The following ADAMTSL1 variants were observed in gnomAD, a reference collection of about 807,000 sequenced individuals.
ADAMTSL1 encodes the protein ADAMTS like 1.
A neutral mutation model predicts 201.8 loss-of-function variants in ADAMTSL1; 126 were observed. The observed-to-expected ratio is 0.62, with a 90% CI of 0.54 to 0.72. The LOEUF (loss-of-function observed/expected upper bound fraction) is 0.72, where lower values mean the gene tolerates loss of function less well. ADAMTSL1 is among the 30% of genes least tolerant of loss of function. ADAMTSL1 has a pLI of 0.00. For synonymous variants in ADAMTSL1, 1,121 were observed against 903.4 expected (o/e 1.24, Z -4.32); for missense variants, 2,679 against 2,277.8 (o/e 1.18, Z -3.59).
intron 2 of ADAMTSL1, among the ~76,000 whole-genome samples, chr9:18,331,100 A>T (rs1374850353): frequency 6.6e-6 from 1 of 152,208 alleles, no homozygotes; most frequent in Non-Finnish European, 1.5e-5. Flanking sequence ...TGGATCCAGG[A>T]TAAAGTAAAC....
intron 1 of ADAMTSL1, among the ~76,000 whole-genome samples, chr9:18,083,978 C>T (rs749314412): frequency 2.0e-5 from 3 of 152,164 alleles, no homozygotes; most frequent in Non-Finnish European, 4.4e-5. Context: ...TGAAATAAAG[C>T]ATCCTGAAAA....
At position 18,074,043 on chromosome 9, in the gene ADAMTSL1, C is replaced by T. The variant is rs576505125; in HGVS notation, c.88-89819C>T. ...GAAGTAGGCTTGTTTATTCAGTGAA[C>T]GGTCTAATTTTGGGTTCATTTCTCA... On this transcript the variant is annotated intron_variant, in intron 1 of 29. Coordinates refer to the ADAMTSL1 transcript ENST00000680146. Among the ~76,000 whole-genome samples, 18 of 152,012 alleles carry T rather than the reference C, an allele frequency of 1.2e-4. 1 individual carries two copies. In the South Asian group the frequency reaches 2.7e-3, roughly 23 times the overall value.
rs189443605 is a variant in ADAMTSL1, at chr9:18,005,115, A to T, written c.87+98193A>T. ...AGCTTACGCTATAATGAGGGCGAAG[A>T]TTCAAGAGCACATAACTGAGTTTAT... is the stretch of plus-strand genomic sequence containing the variant. On this transcript the variant is annotated intron_variant, in intron 1 of 29. Coordinates refer to the ADAMTSL1 transcript ENST00000680146. 9.9e-5 allele frequency among the ~76,000 whole-genome samples: 15 copies of T among 152,234 alleles called. No homozygotes were observed. The East Asian group carries it at 2.3e-3, about 24-fold the overall frequency.
At chr9:18,712,139 G>A (rs866590818) in intron 14 of ADAMTSL1, among the ~76,000 whole-genome samples, 2,059 of 152,140 alleles carry the variant, frequency 0.014, 13 homozygotes, top group South Asian at 0.024. Context: ...AAACCACAAA[G>A]ATGGGGAAAA....
intron 1 of ADAMTSL1, among the ~76,000 whole-genome samples, chr9:18,023,405 A>T (rs1164808897): frequency 6.6e-6 from 1 of 152,112 alleles, no homozygotes; most frequent in African/African-American, 2.4e-5. Flanking sequence ...TTTATTTGTT[A>T]ATGTTTTTTA....
intron 1 of ADAMTSL1, among the ~76,000 whole-genome samples, chr9:17,958,072 C>T (rs1827998423): frequency 6.6e-6 from 1 of 152,188 alleles, no homozygotes. Context: ...CTTTTCTCCA[C>T]ATGCTTTTCC....
chr9:18,601,700 A>G (rs906980693), intron 4 of ADAMTSL1, among the ~76,000 whole-genome samples: 5 of 152,106 alleles, frequency 3.3e-5, no homozygotes, highest in African/African-American at 1.2e-4. Context: ...TATGTGTAGC[A>G]TATATCATAC....
chr9:18,713,356 T>C (rs1832726407), intron 14 of ADAMTSL1, among the ~76,000 whole-genome samples: 1 of 152,022 alleles, frequency 6.6e-6, no homozygotes, highest in Admixed American at 6.6e-5. Flanking sequence ...AGGAAACCCA[T>C]CTCACGTGCA....
intron 25 of ADAMTSL1, among the ~76,000 whole-genome samples, chr9:18,892,146 C>T (rs1266529021): frequency 6.6e-6 from 1 of 152,238 alleles, no homozygotes; most frequent in African/African-American, 2.4e-5. Flanking sequence ...AATCTTATCT[C>T]AAGTCCATAA....
intron 26 of ADAMTSL1, among the ~76,000 whole-genome samples, chr9:18,895,020 T>C (rs1588332554): frequency 6.6e-6 from 1 of 152,198 alleles, no homozygotes; most frequent in Admixed American, 6.5e-5. Context: ...AAATTAAGCA[T>C]TGGCCTTATT....
At chr9:18,683,044 C>T (rs1043273849) in intron 12 of ADAMTSL1, among the ~76,000 whole-genome samples, 4 of 152,118 alleles carry the variant, frequency 2.6e-5, no homozygotes. Flanking sequence ...ACTTTTAACT[C>T]CTGACTATCG....
At chr9:18,354,287 A>G (rs1427178768) in intron 2 of ADAMTSL1, among the ~76,000 whole-genome samples, 2 of 152,016 alleles carry the variant, frequency 1.3e-5, no homozygotes, top group Admixed American at 6.6e-5. Context: ...AGGTTTTGAT[A>G]ATATAAATAA....
At chr9:18,106,259 T>C (rs1365459563) in intron 1 of ADAMTSL1, among the ~76,000 whole-genome samples, 1 of 152,216 alleles carries the variant, frequency 6.6e-6, no homozygotes, top group Non-Finnish European at 1.5e-5. Context: ...GAGCCTCATA[T>C]GAAAAGACAT....
chr9:18,682,031 G>A (rs1474108058), intron 12 of ADAMTSL1, 72 bp downstream of exon 12: 3 of 1,491,626 alleles, frequency 2.0e-6, no homozygotes, highest in Admixed American at 3.8e-5. Flanking sequence ...AAACTCCTTG[G>A]AATATTTTTA....
At position 18,847,736 on chromosome 9, in the gene ADAMTSL1, G is replaced by T. The variant is rs1170424567; in HGVS notation, c.4249+17759G>T. Among the ~76,000 whole-genome samples, 2 of 152,216 alleles carry T rather than the reference G, an allele frequency of 1.3e-5. 1 individual carries two copies. The highest frequency in any genetic ancestry group is 4.1e-4 in the South Asian group (2 of 4,832). ...CCTGCATGAAACGTGCATGCCTAGT[G>T]TGTTCCAGGAACAACAAAAAGGCCA... On this transcript the variant is annotated intron_variant, in intron 23 of 28. Coordinates refer to ENST00000380548, the MANE Select transcript of ADAMTSL1 (RefSeq NM_001040272.6).
chr9:18,783,932 A>G (rs1029059483), intron 19 of ADAMTSL1, among the ~76,000 whole-genome samples: 8 of 152,176 alleles, frequency 5.3e-5, no homozygotes, highest in African/African-American at 1.2e-4. Context: ...AAACCTGTCC[A>G]TGCTGCTTTC....
intron 2 of ADAMTSL1, among the ~76,000 whole-genome samples, chr9:18,418,285 T>C (rs1247433675): frequency 2.0e-5 from 3 of 152,110 alleles, no homozygotes; most frequent in Non-Finnish European, 4.4e-5. Context: ...AGACTGAACG[T>C]TTCCCCCCCG....
intron 5 of ADAMTSL1, among the ~76,000 whole-genome samples, chr9:18,628,829 G>A (rs1398014205): frequency 1.3e-5 from 2 of 152,072 alleles, no homozygotes; most frequent in African/African-American, 4.8e-5. Flanking sequence ...TGTATTTTTT[G>A]TAACTATTGC....
intron 1 of ADAMTSL1, among the ~76,000 whole-genome samples, chr9:17,978,635 C>T (rs1341712795): frequency 6.6e-6 from 1 of 152,028 alleles, no homozygotes; most frequent in Non-Finnish European, 1.5e-5. Context: ...ATATGATGTA[C>T]TCATTAACAA....
Sources: gnomAD v4.1 joint callset for allele counts (sites outside exome capture counted in the v4.1 genomes callset) on GRCh38, gnomAD v4.1.1 for gene constraint, MANE v1.5 for transcripts, NCBI Gene and HGNC (gene_info 2026-07-23, HGNC 2026-07-21) for gene names.